NRG3: variants seen among roughly 807,000 people sequenced by gnomAD.
The protein encoded by NRG3 is pro-neuregulin-3, membrane-bound isoform.
In NRG3, 31 loss-of-function variants were observed where a neutral mutation model predicts 66.9. The ratio of observed to expected loss-of-function variants is 0.46; its 90% confidence interval spans 0.35 to 0.63. The LOEUF (loss-of-function observed/expected upper bound fraction) is 0.63, where lower values mean the gene tolerates loss of function less well. Among genes scored for constraint, NRG3 ranks in the 20% least tolerant of loss-of-function variants. The pLI is 0.00. For missense variants in NRG3, 910 were observed against 878.9 expected, an observed-to-expected ratio of 1.04 and a Z score of -0.45; for synonymous variants, 393 against 359.4, an observed-to-expected ratio of 1.09 and a Z score of -1.06.
chr10:82,640,300 T>C (rs1409903484), intron 2 of NRG3, among the ~76,000 whole-genome samples: 1 of 152,216 alleles, frequency 6.6e-6, no homozygotes, highest in Admixed American at 6.5e-5. Flanking sequence ...TAAAATGTGG[T>C]ACATATACAC....
intron 1 of NRG3, among the ~76,000 whole-genome samples, chr10:82,358,407 C>T (rs763990280): frequency 6.6e-6 from 1 of 152,132 alleles, no homozygotes; most frequent in South Asian, 2.1e-4. Context: ...ATCCTTCATA[C>T]AACATGTTTG....
At chr10:82,441,592 C>T (rs1236015796) in intron 2 of NRG3, among the ~76,000 whole-genome samples, 1 of 152,048 alleles carries the variant, frequency 6.6e-6, no homozygotes, top group Non-Finnish European at 1.5e-5. Context: ...ATGAACCGGC[C>T]CGCACAGCGA....
chr10:82,125,482 C>A (rs1056669965), intron 1 of NRG3, among the ~76,000 whole-genome samples: 1 of 151,982 alleles, frequency 6.6e-6, no homozygotes, highest in Non-Finnish European at 1.5e-5. Flanking sequence ...TACTTAAATT[C>A]TGTTAAAGTT....
intron 1 of NRG3, among the ~76,000 whole-genome samples, chr10:82,193,843 G>T (rs570515364): frequency 1.3e-5 from 2 of 152,156 alleles, no homozygotes; most frequent in Non-Finnish European, 2.9e-5. Context: ...AGTCATTACC[G>T]TAGATATAAA....
chr10:82,191,938 C>T lies in NRG3; in HGVS notation c.824-166801C>T, dbSNP rs74822238. Among the ~76,000 whole-genome samples the T allele has an allele frequency of 5.9e-3, 899 of 152,226 alleles. 54 individuals carry two copies. The East Asian group carries it at 0.14, about 24-fold the overall frequency. On this transcript the variant is annotated intron_variant, in intron 1 of 8. Transcript: ENST00000372141. ...CTGCGGTTGAGGGTTCTTGCCAGTT[C>T]GATTCTAATACATGAACACTTTCCT... is the stretch of plus-strand genomic sequence containing the variant.
intron 2 of NRG3, among the ~76,000 whole-genome samples, chr10:82,657,027 T>G (rs2051926638): frequency 6.6e-6 from 1 of 152,004 alleles, no homozygotes; most frequent in African/African-American, 2.4e-5. Context: ...TATATCTCAA[T>G]TCCTACTTCC....
At position 82,459,943 on chromosome 10, in the gene NRG3, G is replaced by A. The variant is rs547394572; in HGVS notation, c.953+101075G>A. 3.6e-3 allele frequency among the ~76,000 whole-genome samples: 549 copies of A among 152,304 alleles called. 1 individual carries two copies. Among genetic ancestry groups the A allele is most frequent in the African/African-American group, 0.012 (505 of 41,568 alleles). On this transcript the variant is annotated intron_variant, in intron 2 of 8. Coordinates refer to ENST00000372141, the MANE Select transcript of NRG3 (RefSeq NM_001010848.4). The stretch of plus-strand genomic sequence containing the variant: ...ACGGAATACAAAAGACAAAGAATCA[G>A]TTTGGAAACTGCTAGAGGAATTGAG...
intron 4 of NRG3, among the ~76,000 whole-genome samples, chr10:82,949,452 A>T (rs1849315480): frequency 6.6e-6 from 1 of 152,112 alleles, no homozygotes; most frequent in Non-Finnish European, 1.5e-5. Flanking sequence ...GATGATAGGA[A>T]ACAATGAACA....
chr10:82,244,107 G>T (rs965989989), intron 1 of NRG3, among the ~76,000 whole-genome samples: 1 of 152,086 alleles, frequency 6.6e-6, no homozygotes, highest in African/African-American at 2.4e-5. Flanking sequence ...TCATCAACAG[G>T]CATTTTACCT....
Position 82,346,028 on chromosome 10 carries a change from C to T in NRG3, c.824-12711C>T, listed in dbSNP as rs1333846608. Among the ~76,000 whole-genome samples the T allele has an allele frequency of 1.3e-5, 2 of 151,848 alleles. 1 individual carries two copies. On this transcript the variant is annotated intron_variant, in intron 1 of 8. Coordinates refer to ENST00000372141, the MANE Select transcript of NRG3 (RefSeq NM_001010848.4). ...TCTGCAAACAGGGACAATTTGATTT[C>T]CTCTTTTCCTAATTGAATACCCTTT...
intron 1 of NRG3, among the ~76,000 whole-genome samples, chr10:82,172,221 C>G (rs1166304816): frequency 6.6e-6 from 1 of 152,082 alleles, no homozygotes; most frequent in African/African-American, 2.4e-5. Flanking sequence ...GCGCTCATTG[C>G]TCTTTTTATC....
chr10:82,388,875 T>C (rs546727243), intron 2 of NRG3, among the ~76,000 whole-genome samples: 191 of 152,270 alleles, frequency 1.3e-3, no homozygotes, highest in African/African-American at 4.4e-3. Flanking sequence ...TGCTGGAGTG[T>C]GTTAAAATAA....
intron 2 of NRG3, among the ~76,000 whole-genome samples, chr10:82,394,907 C>T (rs1242699327): frequency 1.3e-5 from 2 of 152,104 alleles, no homozygotes; most frequent in African/African-American, 4.8e-5. Context: ...AATGAATTAT[C>T]GGTCTCAATT....
intron 2 of NRG3, among the ~76,000 whole-genome samples, chr10:82,364,678 C>T (rs1037186933): frequency 2.0e-5 from 3 of 152,158 alleles, no homozygotes; most frequent in Non-Finnish European, 2.9e-5. Flanking sequence ...AATGTTTCAC[C>T]GGCCTTCCTG....
At chr10:82,020,531 G>A (rs769113568) in intron 1 of NRG3, among the ~76,000 whole-genome samples, 2 of 152,018 alleles carry the variant, frequency 1.3e-5, no homozygotes, top group Non-Finnish European at 2.9e-5. Flanking sequence ...AGGTATACAC[G>A]ATCTCAATAA....
rs190934597 is a variant in NRG3, at chr10:82,390,868, C to A, written c.953+32000C>A. The stretch of plus-strand genomic sequence containing the variant: ...ATGGTGAAGTGAGCCTGTAGACACA[C>A]TTGTGCAATATGGGGACAGCTCTGA... On this transcript the variant is annotated intron_variant, in intron 2 of 8. Coordinates refer to ENST00000372141, the MANE Select transcript of NRG3 (RefSeq NM_001010848.4). Among the ~76,000 whole-genome samples, 6 of 152,286 alleles carry A rather than the reference C, an allele frequency of 3.9e-5. No individual in the cohort carries two copies. The East Asian group carries it at 1.2e-3, about 29-fold the overall frequency.
chr10:82,733,324 A>T (rs1591351701), intron 2 of NRG3, among the ~76,000 whole-genome samples: 1 of 152,376 alleles, frequency 6.6e-6, no homozygotes, highest in African/African-American at 2.4e-5. Flanking sequence ...ACTAAAATGC[A>T]ATTGTATATA....
At position 82,701,419 on chromosome 10, in the gene NRG3, T is replaced by C. The variant is rs1184545672; in HGVS notation, c.954-37158T>C. Among the ~76,000 whole-genome samples, 3 of 152,182 alleles carry C rather than the reference T, an allele frequency of 2.0e-5. No homozygotes were observed. In the East Asian group the frequency reaches 5.8e-4, roughly 29 times the overall value. On this transcript the variant is annotated intron_variant, in intron 2 of 8. Transcript: ENST00000372141. ...CTTGATCAGAATTACATGGTTGTTCTTGAGTCCTTTTGAGATCCCAAGAGT... is the reference window on the plus strand; with the variant it reads ...CTTGATCAGAATTACATGGTTGTTCCTGAGTCCTTTTGAGATCCCAAGAGT...
intron 1 of NRG3, among the ~76,000 whole-genome samples, chr10:82,170,654 GTATATATA>G (rs370773918): frequency 0.027 from 2,020 of 74,132 alleles, 87 homozygotes; most frequent in Admixed American, 0.12. Context: ...AAAACTTGTG[GTATATATA>G]TATATATATA....
Sources: gnomAD v4.1 joint callset for allele counts (sites outside exome capture counted in the v4.1 genomes callset) on GRCh38, gnomAD v4.1.1 for gene constraint, MANE v1.5 for transcripts, NCBI Gene and HGNC (gene_info 2026-07-23, HGNC 2026-07-21) for gene names.